GABRB3: variants seen among roughly 807,000 people sequenced by gnomAD.
GABRB3 encodes gamma-aminobutyric acid receptor subunit beta-3.
GABRB3 carries 14 observed loss-of-function variants against 52.1 expected under a neutral mutation model. The observed-to-expected ratio is 0.27, with a 90% confidence interval of 0.18 to 0.42. The LOEUF is 0.42. Ranked by LOEUF, GABRB3 falls within the 10% of genes least tolerant of loss-of-function variation. GABRB3 has a pLI of 1.00. For synonymous variants in GABRB3, 260 were observed against 232.3 expected, an observed-to-expected ratio of 1.12 and a Z score of -1.08; for missense variants, 307 against 609.1, an observed-to-expected ratio of 0.50 and a Z score of 5.22.
chr15:26,735,311 C>T (rs1004484999), intron 3 of GABRB3, among the ~76,000 whole-genome samples: 2 of 152,106 alleles, frequency 1.3e-5, no homozygotes, highest in Admixed American at 1.3e-4. Flanking sequence ...ATGGTATAGC[C>T]AATATGGAAA....
intron 3 of GABRB3, among the ~76,000 whole-genome samples, chr15:26,656,284 G>T (rs1231455660): frequency 6.6e-6 from 1 of 152,180 alleles, no homozygotes. Context: ...AAACTGTCTA[G>T]TGACTCAGTG....
At chr15:26,680,714 A>T (rs1351841405) in intron 3 of GABRB3, among the ~76,000 whole-genome samples, 1 of 152,186 alleles carries the variant, frequency 6.6e-6, no homozygotes, top group Non-Finnish European at 1.5e-5. Context: ...GACTCCATAG[A>T]ATTGGATATG....
intron 4 of GABRB3, among the ~76,000 whole-genome samples, chr15:26,606,840 A>AGATATATCTATCGATAGATATATC (rs1891854364): frequency 1.0e-5 from 1 of 97,066 alleles, no homozygotes; most frequent in Non-Finnish European, 2.7e-5. Flanking sequence ...ATAGATAGAT[A>AGATATATCTATCGATAGATATATC]GATATGGTTA....
At chr15:26,753,664 G>C (rs1890578030) in intron 3 of GABRB3, among the ~76,000 whole-genome samples, 1 of 152,168 alleles carries the variant, frequency 6.6e-6, no homozygotes, top group Admixed American at 6.5e-5. Context: ...TTTAAATACA[G>C]ATACTTTCTA....
intron 3 of GABRB3, among the ~76,000 whole-genome samples, chr15:26,633,916 G>A (rs773046405): frequency 4.6e-5 from 7 of 152,164 alleles, no homozygotes; most frequent in African/African-American, 1.2e-4. Context: ...CTTGGCCGCC[G>A]GCTAAATAAA....
At chr15:26,708,227 A>T (rs1231616067) in intron 3 of GABRB3, among the ~76,000 whole-genome samples, 1 of 152,188 alleles carries the variant, frequency 6.6e-6, no homozygotes, top group African/African-American at 2.4e-5. Flanking sequence ...AGTACAATTG[A>T]TTGTTCTACA....
At chr15:26,684,890 T>G (rs145183774) in intron 3 of GABRB3, among the ~76,000 whole-genome samples, 1 of 152,302 alleles carries the variant, frequency 6.6e-6, no homozygotes, top group Admixed American at 6.5e-5. Context: ...AAGTTTCAAA[T>G]ATTGCAAGAA....
intron 8 of GABRB3, 147 bp from the exon 9 acceptor site, chr15:26,548,281 G>C (rs1889336220): frequency 1.4e-6 from 1 of 738,064 alleles, no homozygotes; most frequent in Non-Finnish European, 2.4e-6. Flanking sequence ...CGTTTTATTG[G>C]AAAATGTCAT....
chr15:26,580,499 G>A (rs375713486), intron 5 of GABRB3, 43 bp from the exon 6 acceptor site: 37 of 1,612,374 alleles, frequency 2.3e-5, no homozygotes, highest in East Asian at 1.1e-4. Context: ...TCACCATTTC[G>A]TATAAATGCA....
In GABRB3 at chr15:26,730,136, C is replaced by A. The variant is rs576637932; in HGVS notation, c.240+42266G>T. Among the ~76,000 whole-genome samples the A allele has an allele frequency of 2.0e-5, 3 of 152,294 alleles. No homozygotes were observed. The South Asian group carries it at 6.2e-4, about 32-fold the overall frequency. On this transcript the variant is annotated intron_variant, in intron 3 of 8. Transcript: ENST00000311550. Reference sequence around the variant, plus strand: ...CAAATATTCTAAATTCCTGAGACATCTAGCAAATATTTGTTCTTACAGTCC... The same window carrying A: ...CAAATATTCTAAATTCCTGAGACATATAGCAAATATTTGTTCTTACAGTCC...
At chr15:26,552,008 CT>C (rs745331256) in intron 8 of GABRB3, among the ~76,000 whole-genome samples, 1,473 of 141,086 alleles carry the variant, frequency 0.01, 16 homozygotes, top group African/African-American at 0.026. Context: ...GAAATTTTGA[CT>C]TTTTTTTTTT....
chr15:26,616,593 T>G, intron 4 of GABRB3, among the ~76,000 whole-genome samples: 1 of 143,450 alleles, frequency 7.0e-6, no homozygotes, highest in East Asian at 2.0e-4. Flanking sequence ...AGTATACCTA[T>G]ACTACACTTG....
At chr15:26,750,970 G>GT (rs1187146873) in intron 3 of GABRB3, among the ~76,000 whole-genome samples, 1 of 152,122 alleles carries the variant, frequency 6.6e-6, no homozygotes, top group East Asian at 1.9e-4. Flanking sequence ...AGTCCCTCAA[G>GT]TAACAAGTCA....
chr15:26,689,154 C>A (rs1888499923), intron 3 of GABRB3, among the ~76,000 whole-genome samples: 1 of 152,178 alleles, frequency 6.6e-6, no homozygotes, highest in African/African-American at 2.4e-5. Context: ...TCCCCCAGTG[C>A]CCCGCCTGGG....
chr15:26,586,397 AACACACACACACAC>A, intron 4 of GABRB3, among the ~76,000 whole-genome samples: 1 of 138,014 alleles, frequency 7.2e-6, no homozygotes, highest in East Asian at 2.2e-4. Context: ...AACCACCCCT[AACACACACACACAC>A]ACACACACAC....
intron 3 of GABRB3, among the ~76,000 whole-genome samples, chr15:26,704,010 A>G (rs1889018076): frequency 6.6e-6 from 1 of 152,162 alleles, no homozygotes; most frequent in South Asian, 2.1e-4. Context: ...AGACTCCACT[A>G]GGTAATGCGT....
chr15:26,670,482 C>T (rs1887862656), intron 3 of GABRB3, among the ~76,000 whole-genome samples: 1 of 152,222 alleles, frequency 6.6e-6, no homozygotes, highest in African/African-American at 2.4e-5. Context: ...CTTCGGAGCA[C>T]GGCCTGGGAA....
intron 5 of GABRB3, 123 bp from the exon 6 acceptor site, chr15:26,580,579 G>A (rs951211014): frequency 2.5e-6 from 3 of 1,214,518 alleles, no homozygotes; most frequent in Non-Finnish European, 2.4e-6. Flanking sequence ...TGCTTAATGT[G>A]CTTGTCTAGG....
intron 3 of GABRB3, among the ~76,000 whole-genome samples, chr15:26,726,656 A>G (rs570563721): frequency 1.3e-5 from 2 of 152,290 alleles, no homozygotes; most frequent in South Asian, 4.1e-4. Flanking sequence ...AATATGTCAT[A>G]GAGGTGATGC....
Sources: gnomAD v4.1 joint callset for allele counts (sites outside exome capture counted in the v4.1 genomes callset) on GRCh38, gnomAD v4.1.1 for gene constraint, MANE v1.5 for transcripts, NCBI Gene and HGNC (gene_info 2026-07-23, HGNC 2026-07-21) for gene names.